Variants in GIGYF1 observed in about 807,000 individuals in gnomAD.
GIGYF1 encodes GRB10 interacting GYF protein 1.
GIGYF1 carries 84 observed loss-of-function variants against 147.1 expected under a neutral mutation model. The ratio of observed to expected loss-of-function variants is 0.57; its 90% CI spans 0.48 to 0.68. GIGYF1 has a LOEUF of 0.68. Ranked by LOEUF, GIGYF1 falls within the 30% of genes least tolerant of loss-of-function variation. The pLI is 0.00. For synonymous variants in GIGYF1, 752 were observed against 589.5 expected (o/e 1.28, Z -3.99); for missense variants, 1,485 against 1,393.7 (o/e 1.07, Z -1.04).
chr7:100,684,982 G>A (rs1805177421), intron 14 of GIGYF1, 67 bp downstream of exon 14: 4 of 1,560,796 alleles, frequency 2.6e-6, no homozygotes, highest in Middle Eastern at 3.4e-4. Context: ...GCTGGGGCCG[G>A]GGCTGGGGCC....
At chr7:100,684,402 C>A (rs757369511) in intron 16 of GIGYF1, 48 bp downstream of exon 16, 1 of 1,605,770 alleles carries the variant, frequency 6.2e-7, no homozygotes, top group Non-Finnish European at 8.5e-7. Flanking sequence ...GGACTCCTGC[C>A]GGCACCCCTC....
In GIGYF1 at chr7:100,682,574, CA is replaced by C. The variant is rs1804887173; in HGVS notation, c.2600+15del. The C allele has an allele frequency of 5.0e-6, 8 of 1,592,272 alleles. No individual in the cohort carries two copies. In the East Asian group the frequency reaches 1.8e-4, roughly 36 times the overall value. On this transcript the variant is annotated intron_variant, in intron 23 of 26. Coordinates refer to ENST00000678049, the MANE Select transcript of GIGYF1 (RefSeq NM_001375765.1). ...CCCCTCAGGGCCATCCCGGAGCCTC[CA>C]GGTGCCACGCCCACCTGAGAGATGG...
At position 100,681,881 on chromosome 7, in the gene GIGYF1, G is replaced by C; in HGVS notation, c.3038C>G (p.Ser1013Ter). Residue 1013 changes from serine (S) to a stop codon, truncating the protein, a stop_gained, in exon 26 of 27, where the codon TCA becomes TGA. Coordinates refer to ENST00000678049, the MANE Select transcript of GIGYF1 (RefSeq NM_001375765.1). LOFTEE classifies it high-confidence loss of function. Reference protein sequence around the residue: ...KAKRRALMLHSDPSILGYSLH... With the variant: ...KAKRRALMLH ...CAGCTCACCCAGGATGCTGGGGTCT[G>C]AGTGCAGCATCAGTGCCCGCCTCTT... The C allele has an allele frequency of 6.2e-7, 1 of 1,612,498 alleles. No homozygotes were observed.
chr7:100,683,361 C>G lies in GIGYF1; in HGVS notation c.2136G>C (p.Gln712His). ...RKRREEKRRQ[Q>H]QQEEQKRRQE... ...GCCGCCGCTTCTGCTCCTCCTGCTGCTGCTGGCGGCGCTTCTCCTCTCGAC... is the reference window on the plus strand; with the variant it reads ...GCCGCCGCTTCTGCTCCTCCTGCTGGTGCTGGCGGCGCTTCTCCTCTCGAC... Residue 712 changes from glutamine (Q) to histidine (H), a missense_variant, in exon 21 of 27, where the codon CAG (glutamine) becomes CAC (histidine). Transcript: ENST00000678049. The G allele has an allele frequency of 6.2e-7, 1 of 1,613,700 alleles. No homozygotes were observed. Among genetic ancestry groups the G allele is most frequent in the African/African-American group, 1.3e-5 (1 of 75,078 alleles).
At position 100,688,471 on chromosome 7, in the gene GIGYF1, C is replaced by T; in HGVS notation, c.-90G>A. ...CTCACCTGAGCCAGCCACGTGGCCA[C>T]TCACACCATGAGTTACCCAGAGATG... On this transcript the variant is annotated 5_prime_UTR_variant, in exon 3 of 27. It adds an upstream start codon to the 5' untranslated region. Coordinates refer to ENST00000678049, the MANE Select transcript of GIGYF1 (RefSeq NM_001375765.1). 2 of 694,980 alleles carry T rather than the reference C, an allele frequency of 2.9e-6. No individual in the cohort carries two copies. Among genetic ancestry groups the T allele is most frequent in the East Asian group, 2.7e-5 (1 of 36,780 alleles). 43.1% of individuals were successfully genotyped at this position (694,980 alleles called of 1,614,324 possible).
Position 100,686,785 on chromosome 7 carries a change from T to TGGGCCAGCCCCTCCCTC in GIGYF1, c.541_557dup (p.Lys188GlufsTer163), listed in dbSNP as rs753660544. The TGGGCCAGCCCCTCCCTC allele has an allele frequency of 6.2e-7, 1 of 1,613,920 alleles. No individual in the cohort carries two copies. Among genetic ancestry groups the TGGGCCAGCCCCTCCCTC allele is most frequent in the Non-Finnish European group, 8.5e-7 (1 of 1,179,986 alleles). On this transcript the variant is annotated frameshift_variant, in exon 10 of 27. Coordinates refer to ENST00000678049, the MANE Select transcript of GIGYF1 (RefSeq NM_001375765.1). LOFTEE classifies it high-confidence loss of function. ...TGTCTGAGCGGGCGTGCTCCTTCCT[T>TGGGCCAGCCCCTCCCTC]GGGCCAGCCCCTCCCTCCTCAAAGC...
At chr7:100,687,654 C>T in intron 6 of GIGYF1, 38 bp from the exon 7 acceptor site, 2 of 1,529,048 alleles carry the variant, frequency 1.3e-6, no homozygotes, top group Non-Finnish European at 1.8e-6. Flanking sequence ...AGGACCCAGG[C>T]ACCCAACCAC....
rs1047559703 is a variant in GIGYF1, at chr7:100,680,605, C to G, written c.*1114G>C. The G allele has an allele frequency of 6.6e-6, 1 of 152,586 alleles. No individual in the cohort carries two copies. Among genetic ancestry groups the G allele is most frequent in the South Asian group, 2.1e-4 (1 of 4,830 alleles). The allele number at this position is 152,586 out of a possible 1,614,324, so 9.5% of individuals were successfully genotyped here. A position where few individuals can be genotyped will look rare whatever the true frequency, so the allele number is the denominator to read the frequency against. ...AGGGTCAGGTGCAGAGCTGGGTGGT[C>G]CACATCTTACGAGCTGGCTACAGGT... On this transcript the variant is annotated 3_prime_UTR_variant, in exon 27 of 27. Coordinates refer to ENST00000678049, the MANE Select transcript of GIGYF1 (RefSeq NM_001375765.1).
Position 100,685,279 on chromosome 7 carries a change from G to A in GIGYF1, c.1192+65C>T, listed in dbSNP as rs368114572. 4.1e-5 allele frequency: 63 copies of A among 1,534,388 alleles called. 1 individual carries two copies. Among genetic ancestry groups the A allele is most frequent in the East Asian group, 2.7e-4 (12 of 44,190 alleles). On this transcript the variant is annotated intron_variant, in intron 13 of 26. Coordinates refer to ENST00000678049, the MANE Select transcript of GIGYF1 (RefSeq NM_001375765.1). ...GAATGCCCTGTGTGCCCACCCCCACGAGTGGGGAGCACTTTCTCCCACAGC... is the reference window on the plus strand; with the variant it reads ...GAATGCCCTGTGTGCCCACCCCCACAAGTGGGGAGCACTTTCTCCCACAGC...
In GIGYF1 at chr7:100,687,031, A is replaced by C. The variant is rs570647439; in HGVS notation, c.498T>G (p.Phe166Leu). ...CTCCATCCCGCCTTGCTGACTTCTC[A>C]AACCGCCTCTCGCCTCTGCAGCAGG... is the stretch of plus-strand genomic sequence containing the variant. ...QSWDDRGERR[F>L]EKSARRDGAR... The change falls in exon 9 of 27, where the codon TTT becomes TTG. Residue 166 changes from phenylalanine (F) to leucine (L), a missense_variant. Coordinates refer to ENST00000678049, the MANE Select transcript of GIGYF1 (RefSeq NM_001375765.1). 2 of 1,613,792 alleles carry C rather than the reference A, an allele frequency of 1.2e-6. No individual in the cohort carries two copies. The highest frequency in any genetic ancestry group is 2.7e-5 in the African/African-American group (2 of 75,018).
intron 19 of GIGYF1, 43 bp downstream of exon 19, chr7:100,683,775 C>G: frequency 1.3e-6 from 2 of 1,575,880 alleles, no homozygotes; most frequent in African/African-American, 1.3e-5. Context: ...CCCCATTTCA[C>G]CCGGAGACTG....
At chr7:100,693,779 G>A (rs1806017303) in intron 1 of GIGYF1, among the ~76,000 whole-genome samples, 2 of 151,748 alleles carry the variant, frequency 1.3e-5, no homozygotes, top group Non-Finnish European at 2.9e-5. Context: ...GGAGGACGGC[G>A]TGCCCTTCAG....
chr7:100,687,091 C>A (rs757983868), intron 8 of GIGYF1, 45 bp from the exon 9 acceptor site: 5 of 1,612,514 alleles, frequency 3.1e-6, no homozygotes, highest in Non-Finnish European at 4.2e-6. Context: ...ACAGCCTCCC[C>A]TGCCACCCTG....
At position 100,689,101 on chromosome 7, in the gene GIGYF1, G is replaced by A. The variant is rs1461370649; in HGVS notation, c.-644C>T. 6.6e-6 allele frequency: 1 copy of A among 152,610 alleles called. No individual in the cohort carries two copies. Among genetic ancestry groups the A allele is most frequent in the African/African-American group, 2.4e-5 (1 of 41,440 alleles). 9.5% of individuals were successfully genotyped at this position (152,610 alleles called of 1,614,324 possible). A position where few individuals can be genotyped will look rare whatever the true frequency, so the allele number is the denominator to read the frequency against. On this transcript the variant is annotated 5_prime_UTR_variant, in exon 2 of 27. Transcript: ENST00000678049. ...AAGCTCAAATCCAGGGGCTTGGTCT[G>A]GGGAGAAACCCAGTGAAAAGGAGCA...
rs776951989 is a variant in GIGYF1, at chr7:100,685,956, G to A, written c.1054+18C>T. The A allele has an allele frequency of 5.6e-6, 9 of 1,605,460 alleles. No individual in the cohort carries two copies. Among genetic ancestry groups the A allele is most frequent in the Admixed American group, 1.7e-5 (1 of 59,908 alleles). Reference sequence around the variant, plus strand: ...TGCCCGGCCCAGCCCCAGGCCCGCTGGGCACCCCGCGGCTCACCTGCCTCA... The same window carrying A: ...TGCCCGGCCCAGCCCCAGGCCCGCTAGGCACCCCGCGGCTCACCTGCCTCA... On this transcript the variant is annotated intron_variant, in intron 12 of 26. Transcript: ENST00000678049.
rs1408300470 is a variant in GIGYF1, at chr7:100,682,695, C to T, written c.2495G>A (p.Gly832Glu). 7 of 1,598,156 alleles carry T rather than the reference C, an allele frequency of 4.4e-6. No homozygotes were observed. Among genetic ancestry groups the T allele is most frequent in the Admixed American group, 1.7e-5 (1 of 58,246 alleles). The change falls in exon 23 of 27, where the codon GGG becomes GAG. Residue 832 changes from glycine (G) to glutamate (E), a missense_variant. Transcript: ENST00000678049. ...GPLWGGPDKS[G>E]GGSSGLGLWE... ...GAGCCCCAGGCCGCTGCTGCCGCCC[C>T]CACTCTTGTCTGGCCCGCCCCACAG...
rs1315572489 is a variant in GIGYF1 at position 100,685,485 on chromosome 7, G to A, written c.1055-4C>T. 6.3e-7 allele frequency: 1 copy of A among 1,598,214 alleles called. No individual in the cohort carries two copies. Among genetic ancestry groups the A allele is most frequent in the African/African-American group, 1.4e-5 (1 of 73,848 alleles). On this transcript the variant is annotated splice_region_variant and splice_polypyrimidine_tract_variant and intron_variant, in intron 12 of 26. Coordinates refer to ENST00000678049, the MANE Select transcript of GIGYF1 (RefSeq NM_001375765.1). ...AGTGGGGTCAGCTCTTTCCCACCTA[G>A]AAGAGGGAGATGGCCAGAGTTCAGA...
chr7:100,684,316 G>T lies in GIGYF1; in HGVS notation c.1651C>A (p.Leu551Met). ...PLLGNMDQER[L>M]KKQQELAAAA... ...GCGGCCAGCTCCTGTTGCTTCTTCAGCCGCTCCTGGTCCATGTTTCCCTGC... is the reference window on the plus strand; with the variant it reads ...GCGGCCAGCTCCTGTTGCTTCTTCATCCGCTCCTGGTCCATGTTTCCCTGC... Residue 551 changes from leucine (L) to methionine (M), a missense_variant, in exon 17 of 27, where the codon CTG becomes ATG. Transcript: ENST00000678049. The T allele has an allele frequency of 6.3e-7, 1 of 1,598,398 alleles. No individual in the cohort carries two copies.
intron 12 of GIGYF1, among the ~76,000 whole-genome samples, 171 bp downstream of exon 12, chr7:100,685,803 T>A (rs1805267211): frequency 6.6e-6 from 1 of 152,190 alleles, no homozygotes; most frequent in Non-Finnish European, 1.5e-5. Context: ...GTACACTGCC[T>A]TGAAGACATG....
Sources: allele counts gnomAD v4.1 joint callset (sites outside exome capture counted in the v4.1 genomes callset), GRCh38; gene constraint gnomAD v4.1.1; transcripts MANE v1.5; gene names NCBI Gene and HGNC (gene_info 2026-07-23, HGNC 2026-07-21).